Variants in SLCO2A1 observed in about 807,000 individuals in gnomAD.
SLCO2A1 encodes matrin F/G 1.
Under a neutral mutation model 71.7 loss-of-function variants are expected in SLCO2A1, and 60 were observed. That is an observed-to-expected ratio of 0.84 (90% CI 0.68 to 1.04). The LOEUF is 1.04. SLCO2A1 is among the 50% of genes least tolerant of loss of function. The pLI is 0.00. For missense variants in SLCO2A1, 745 were observed against 813.4 expected (o/e 0.92, Z 1.02); for synonymous variants, 308 against 326.7 (o/e 0.94, Z 0.62).
At chr3:134,013,163 G>A (rs1935374902) in intron 1 of SLCO2A1, among the ~76,000 whole-genome samples, 1 of 152,186 alleles carries the variant, frequency 6.6e-6, no homozygotes, top group Non-Finnish European at 1.5e-5. Context: ...CTCAATAGAT[G>A]TTTACAGTAG....
chr3:133,992,848 GC>G, intron 1 of SLCO2A1, among the ~76,000 whole-genome samples: 1 of 152,166 alleles, frequency 6.6e-6, no homozygotes, highest in Middle Eastern at 3.2e-3. Context: ...TAAATCCCCT[GC>G]ATTTGCCATC....
chr3:133,955,053 C>T lies in SLCO2A1; in HGVS notation c.538G>A (p.Ala180Thr). 4 of 1,614,176 alleles carry T rather than the reference C, an allele frequency of 2.5e-6. No individual in the cohort carries two copies. The highest frequency in any genetic ancestry group is 3.4e-6 in the Non-Finnish European group (4 of 1,180,036). The change falls in exon 4 of 14, where the codon GCT (alanine) becomes ACT (threonine). Residue 180 changes from alanine to threonine, a missense_variant. Coordinates refer to ENST00000310926, the MANE Select transcript of SLCO2A1 (RefSeq NM_005630.3). Reference protein sequence around the residue: ...WGLMVVAQLLAGIGTVPIQPF... With the variant: ...WGLMVVAQLLTGIGTVPIQPF... ...TGAATAGGCACTGTCCCGATGCCAG[C>T]CAGCAGCTGGGCAACCACCATCAGG...
chr3:134,006,263 G>C (rs1037465830), intron 1 of SLCO2A1, among the ~76,000 whole-genome samples: 1 of 151,832 alleles, frequency 6.6e-6, no homozygotes, highest in South Asian at 2.1e-4. Context: ...TGTTGCCCAG[G>C]CTGGTCTCAA....
chr3:133,946,318 T>TA (rs778977970), intron 9 of SLCO2A1, among the ~76,000 whole-genome samples: 4 of 150,942 alleles, frequency 2.7e-5, no homozygotes, highest in South Asian at 2.1e-4. Flanking sequence ...GGCAAAGTCT[T>TA]AAAAAAAAGC....
intron 1 of SLCO2A1, among the ~76,000 whole-genome samples, chr3:133,992,301 G>T (rs1444172746): frequency 3.3e-5 from 5 of 152,202 alleles, no homozygotes; most frequent in African/African-American, 4.8e-5. Flanking sequence ...AAGGACAAAG[G>T]TCAGGACAAT....
intron 1 of SLCO2A1, among the ~76,000 whole-genome samples, chr3:133,988,457 C>T (rs975672674): frequency 6.6e-6 from 1 of 152,184 alleles, no homozygotes; most frequent in African/African-American, 2.4e-5. Flanking sequence ...CAATGTATTT[C>T]TTGAATGTAT....
chr3:133,953,644 G>A lies in SLCO2A1; in HGVS notation c.724+19C>T. Reference sequence around the variant, plus strand: ...TATTGAGCTGGGGATGGGAATGGGTGTCCTCTGCACATACTCACCTGTGTT... The same window carrying A: ...TATTGAGCTGGGGATGGGAATGGGTATCCTCTGCACATACTCACCTGTGTT... On this transcript the variant is annotated intron_variant, in intron 5 of 13. Coordinates refer to ENST00000310926, the MANE Select transcript of SLCO2A1 (RefSeq NM_005630.3). 2 of 1,597,092 alleles carry A rather than the reference G, an allele frequency of 1.3e-6. No individual in the cohort carries two copies. Among genetic ancestry groups the A allele is most frequent in the African/African-American group, 1.3e-5 (1 of 74,682 alleles).
intron 5 of SLCO2A1, 76 bp from the exon 6 acceptor site, chr3:133,951,420 G>T: frequency 1.3e-6 from 2 of 1,554,012 alleles, no homozygotes; most frequent in Non-Finnish European, 1.8e-6. Flanking sequence ...CCTCTGATCA[G>T]GGGGAGTTTC....
intron 1 of SLCO2A1, among the ~76,000 whole-genome samples, chr3:134,025,829 T>C (rs1935691118): frequency 6.6e-6 from 1 of 152,326 alleles, no homozygotes; most frequent in Non-Finnish European, 1.5e-5. Context: ...GACTGGATCC[T>C]CGAGTAAATA....
At chr3:133,962,826 C>A (rs34521507) in intron 3 of SLCO2A1, among the ~76,000 whole-genome samples, 4 of 152,142 alleles carry the variant, frequency 2.6e-5, no homozygotes, top group African/African-American at 9.7e-5. Flanking sequence ...CAGGAACATG[C>A]CTGCCTTTTC....
chr3:134,013,447 G>T lies in SLCO2A1; in HGVS notation c.96+16260C>A, dbSNP rs941527553. On this transcript the variant is annotated intron_variant, in intron 1 of 13. Transcript: ENST00000310926. ...CCTTCCCTTCCACTGCTGTCCCTTTGCCCCCCACCAACAGGGCCTCATTGT... is the reference window on the plus strand; with the variant it reads ...CCTTCCCTTCCACTGCTGTCCCTTTTCCCCCCACCAACAGGGCCTCATTGT... Among the ~76,000 whole-genome samples the T allele has an allele frequency of 2.0e-5, 3 of 152,066 alleles. No individual in the cohort carries two copies. In the East Asian group the frequency reaches 5.8e-4, roughly 29 times the overall value.
At chr3:133,983,604 T>G (rs1478153615) in intron 1 of SLCO2A1, among the ~76,000 whole-genome samples, 1 of 152,224 alleles carries the variant, frequency 6.6e-6, no homozygotes, top group Non-Finnish European at 1.5e-5. Context: ...TCAGTGCCTT[T>G]GCTCACAGTC....
rs1443744700 is a variant in SLCO2A1, at chr3:133,955,042, C to T, written c.549G>A (p.Gly183=). The T allele has an allele frequency of 1.9e-6, 3 of 1,614,088 alleles. No individual in the cohort carries two copies. The African/African-American group carries it at 4.0e-5, about 22-fold the overall frequency. ...TCCCAAATGGCTGAATAGGCACTGTCCCGATGCCAGCCAGCAGCTGGGCAA... is the reference window on the plus strand; with the variant it reads ...TCCCAAATGGCTGAATAGGCACTGTTCCGATGCCAGCCAGCAGCTGGGCAA... ...MVVAQLLAGI[G]TVPIQPFGIS... Residue 183 remains glycine, a synonymous_variant, in exon 4 of 14, where the codon GGG becomes GGA. Coordinates refer to ENST00000310926, the MANE Select transcript of SLCO2A1 (RefSeq NM_005630.3).
Position 133,942,744 on chromosome 3 carries a change from TCA to T in SLCO2A1, c.1484_1485del (p.Val495AspfsTer82). The part of the protein sequence containing the change: ...KQLIYLNCSC[V>X]TGGSASAKTG... ...GTCTTTGCTGAAGCGGATCCCCCGG[TCA>T]CACAGCTGCAGTTCAAATAGATCTT... On this transcript the variant is annotated frameshift_variant, in exon 11 of 14. Transcript: ENST00000310926. LOFTEE classifies it high-confidence loss of function. The T allele has an allele frequency of 1.3e-5, 21 of 1,608,568 alleles. No individual in the cohort carries two copies. The highest frequency in any genetic ancestry group is 1.8e-5 in the Non-Finnish European group (21 of 1,178,220).
At chr3:134,008,082 C>A (rs530241518) in intron 1 of SLCO2A1, among the ~76,000 whole-genome samples, 6 of 152,298 alleles carry the variant, frequency 3.9e-5, no homozygotes, top group Non-Finnish European at 8.8e-5. Flanking sequence ...AAGATAGGGA[C>A]CTTGTCTGAT....
chr3:133,943,826 G>A (rs1409643362), intron 10 of SLCO2A1, among the ~76,000 whole-genome samples: 5 of 152,224 alleles, frequency 3.3e-5, no homozygotes, highest in East Asian at 1.9e-4. Flanking sequence ...TCCTTCGCCC[G>A]CAGAGGTGGC....
At chr3:133,973,850 G>C (rs765698345) in intron 2 of SLCO2A1, 25 bp from the exon 3 acceptor site, 5 of 1,603,792 alleles carry the variant, frequency 3.1e-6, no homozygotes, top group Non-Finnish European at 4.3e-6. Flanking sequence ...GAAGGGCTGA[G>C]TGAGACAAGA....
intron 2 of SLCO2A1, among the ~76,000 whole-genome samples, 159 bp downstream of exon 2, chr3:133,979,322 G>A (rs1934529936): frequency 6.6e-6 from 1 of 152,210 alleles, no homozygotes; most frequent in Non-Finnish European, 1.5e-5. Context: ...TGCTCTCACT[G>A]TGCCCACTGG....
intron 3 of SLCO2A1, among the ~76,000 whole-genome samples, chr3:133,965,282 T>C (rs1293872892): frequency 6.6e-6 from 1 of 152,184 alleles, no homozygotes; most frequent in Non-Finnish European, 1.5e-5. Context: ...AAGCCTGTCA[T>C]GACATCCTGC....
Sources: allele counts gnomAD v4.1 joint callset (sites outside exome capture counted in the v4.1 genomes callset), GRCh38; gene constraint gnomAD v4.1.1; transcripts MANE v1.5; gene names NCBI Gene and HGNC (gene_info 2026-07-23, HGNC 2026-07-21).